Variants in GABRG1 observed in about 807,000 individuals in gnomAD.
GABRG1 encodes gamma-aminobutyric acid receptor subunit gamma-1.
In GABRG1, 49 loss-of-function variants were observed where a neutral mutation model predicts 49.8. The ratio of observed to expected loss-of-function variants is 0.98; its 90% CI spans 0.78 to 1.25. The LOEUF is 1.25. Ranked by LOEUF, GABRG1 falls within the 50% of genes most tolerant of loss-of-function variation. The probability of loss-of-function intolerance (pLI) is 0.00; values close to 1 mark genes in which losing one functional copy is unlikely to be tolerated. For synonymous variants in GABRG1, 232 were observed against 185.1 expected (o/e 1.25, Z -2.06); for missense variants, 552 against 552.3 (o/e 1.00, Z 0.01).
In GABRG1 at chr4:46,039,844, C is replaced by T. The variant is rs1206103382; in HGVS notation, c.*1144G>A. ...CTTTAACATGATTTTGAGGCTGCCC[C>T]CAGTTTCTAGAAAAAAAAAAGAATA... On this transcript the variant is annotated 3_prime_UTR_variant, in exon 9 of 9. Transcript: ENST00000295452. 1 of 151,374 alleles carries T rather than the reference C, an allele frequency of 6.6e-6. No individual in the cohort carries two copies. Among genetic ancestry groups the T allele is most frequent in the South Asian group, 2.1e-4 (1 of 4,812 alleles). 9.4% of individuals were successfully genotyped at this position (151,374 alleles called of 1,614,324 possible).
chr4:46,103,735 G>A (rs949987893), intron 1 of GABRG1, among the ~76,000 whole-genome samples: 3 of 151,288 alleles, frequency 2.0e-5, no homozygotes, highest in African/African-American at 7.3e-5. Flanking sequence ...AATTTTGAGT[G>A]TCATTTTGCT....
chr4:46,071,520 AC>A (rs1719122128), intron 3 of GABRG1, among the ~76,000 whole-genome samples: 1 of 151,092 alleles, frequency 6.6e-6, no homozygotes, highest in African/African-American at 2.4e-5. Context: ...ATATATGTTA[AC>A]TGTAAAACAT....
At chr4:46,123,680 T>C in intron 1 of GABRG1, 130 bp downstream of exon 1, 1 of 636,254 alleles carries the variant, frequency 1.6e-6, no homozygotes, top group Non-Finnish European at 2.8e-6. Context: ...AATAAAACGA[T>C]GGTAAATACC....
At chr4:46,058,665 T>G in intron 5 of GABRG1, 43 bp from the exon 6 acceptor site, 5 of 1,497,626 alleles carry the variant, frequency 3.3e-6, no homozygotes, top group Non-Finnish European at 3.7e-6. Context: ...CCAAATTTGA[T>G]ACCATTGCAA....
At chr4:46,113,350 A>G (rs1050775111) in intron 1 of GABRG1, among the ~76,000 whole-genome samples, 2 of 151,042 alleles carry the variant, frequency 1.3e-5, no homozygotes, top group African/African-American at 4.8e-5. Context: ...TGCTGAGAGA[A>G]GGGGGAAGAG....
chr4:46,095,874 G>A (rs1437234577), intron 2 of GABRG1, among the ~76,000 whole-genome samples: 1 of 151,738 alleles, frequency 6.6e-6, no homozygotes, highest in Non-Finnish European at 1.5e-5. Context: ...TGTTACGTAA[G>A]TGAATTCATT....
intron 1 of GABRG1, among the ~76,000 whole-genome samples, chr4:46,116,277 T>G (rs1251052753): frequency 6.6e-6 from 1 of 150,866 alleles, no homozygotes; most frequent in Non-Finnish European, 1.5e-5. Flanking sequence ...ATTTTTATTA[T>G]AGTCTATTTA....
chr4:46,111,085 A>T (rs1720697249), intron 1 of GABRG1, among the ~76,000 whole-genome samples: 7 of 151,100 alleles, frequency 4.6e-5, no homozygotes, highest in Admixed American at 4.0e-4. Flanking sequence ...GTGTGATTCT[A>T]TACCAGGAAA....
chr4:46,062,989 C>A (rs1250430865), intron 5 of GABRG1, among the ~76,000 whole-genome samples: 1 of 151,296 alleles, frequency 6.6e-6, no homozygotes, highest in Admixed American at 6.6e-5. Context: ...TCAAGGAGAA[C>A]TACAAACCAC....
At chr4:46,101,491 A>G (rs1560370957) in intron 1 of GABRG1, among the ~76,000 whole-genome samples, 1 of 151,660 alleles carries the variant, frequency 6.6e-6, no homozygotes, top group Non-Finnish European at 1.5e-5. Flanking sequence ...GTCGCACACT[A>G]TATGACAAAA....
chr4:46,049,952 T>A (rs1376462295), intron 8 of GABRG1, among the ~76,000 whole-genome samples: 1 of 151,926 alleles, frequency 6.6e-6, no homozygotes, highest in Non-Finnish European at 1.5e-5. Flanking sequence ...GGCCTCTATA[T>A]TAGTTATTTT....
intron 3 of GABRG1, among the ~76,000 whole-genome samples, chr4:46,070,888 A>C (rs1719092462): frequency 6.6e-6 from 1 of 152,034 alleles, no homozygotes; most frequent in African/African-American, 2.4e-5. Context: ...CTGTTTACTC[A>C]AAAACTACTG....
intron 1 of GABRG1, among the ~76,000 whole-genome samples, chr4:46,122,003 T>C (rs919788737): frequency 1.3e-5 from 2 of 152,080 alleles, no homozygotes; most frequent in African/African-American, 4.8e-5. Flanking sequence ...AAATCATAGA[T>C]GTATTGAATG....
chr4:46,049,102 G>T (rs759893210), intron 8 of GABRG1, among the ~76,000 whole-genome samples: 4 of 151,798 alleles, frequency 2.6e-5, no homozygotes, highest in Admixed American at 6.6e-5. Flanking sequence ...AAAGAAATGG[G>T]GAGATTGAAG....
chr4:46,081,733 C>A (rs1331216885), intron 3 of GABRG1, among the ~76,000 whole-genome samples: 1 of 151,862 alleles, frequency 6.6e-6, no homozygotes, highest in Non-Finnish European at 1.5e-5. Context: ...ATCCCGAGAA[C>A]TTCAGAATGT....
intron 3 of GABRG1, among the ~76,000 whole-genome samples, chr4:46,066,113 T>G (rs988474430): frequency 5.3e-5 from 8 of 152,274 alleles, no homozygotes; most frequent in Admixed American, 3.9e-4. Flanking sequence ...TATTTTTTAT[T>G]TTTTGTGTGT....
chr4:46,085,712 T>C (rs1175976536), intron 2 of GABRG1, among the ~76,000 whole-genome samples: 5 of 151,566 alleles, frequency 3.3e-5, no homozygotes, highest in Admixed American at 1.3e-4. Context: ...AATTGCTTCT[T>C]AATAATGACT....
rs1718543454 is a variant in GABRG1, at chr4:46,058,515, T to A, written c.733A>T (p.Asn245Tyr). Residue 245 changes from asparagine (N) to tyrosine (Y), a missense_variant, in exon 6 of 9, where the codon AAC (asparagine) becomes TAC (tyrosine). Coordinates refer to ENST00000295452, the MANE Select transcript of GABRG1 (RefSeq NM_173536.4). ...LYQFAFVGLR[N>Y]STEITHTISG... is the part of the protein sequence containing the mutation. ...ATCGTGTGAGTGATTTCAGTTGAGT[T>A]CCGTAACCCTACAAATGCAAACTGA... is the stretch of plus-strand genomic sequence containing the variant. The A allele has an allele frequency of 6.2e-7, 1 of 1,613,202 alleles. No individual in the cohort carries two copies. Among genetic ancestry groups the A allele is most frequent in the South Asian group, 1.1e-5 (1 of 91,022 alleles).
intron 5 of GABRG1, among the ~76,000 whole-genome samples, chr4:46,062,895 T>C (rs1718757882): frequency 6.6e-6 from 1 of 151,822 alleles, no homozygotes; most frequent in African/African-American, 2.4e-5. Context: ...GAGAGCCAAA[T>C]CATGAGTGAA....
Sources: allele counts gnomAD v4.1 joint callset (sites outside exome capture counted in the v4.1 genomes callset), GRCh38; gene constraint gnomAD v4.1.1; transcripts MANE v1.5; gene names NCBI Gene and HGNC (gene_info 2026-07-23, HGNC 2026-07-21).